The following SORCS2 variants were observed in gnomAD, a reference collection of about 807,000 sequenced individuals.
SORCS2 encodes sortilin related VPS10 domain containing receptor 2.
In SORCS2, 100 loss-of-function variants were observed where a neutral mutation model predicts 141.6. The observed-to-expected ratio is 0.71, with a 90% CI of 0.60 to 0.83. The LOEUF (loss-of-function observed/expected upper bound fraction) is 0.83, where lower values mean the gene tolerates loss of function less well. SORCS2 is among the 40% of genes least tolerant of loss of function. The pLI is 0.00. For synonymous variants in SORCS2, 789 were observed against 676.9 expected, an observed-to-expected ratio of 1.17 and a Z score of -2.57; for missense variants, 1,646 against 1,560.2, an observed-to-expected ratio of 1.05 and a Z score of -0.93.
chr4:7,327,813 A>ACCCCCCCCC, intron 1 of SORCS2, among the ~76,000 whole-genome samples: 1 of 149,770 alleles, frequency 6.7e-6, no homozygotes, highest in Admixed American at 6.6e-5. Context: ...GCCCCCCCCA[A>ACCCCCCCCC]CCCCGCCCCC....
intron 12 of SORCS2, among the ~76,000 whole-genome samples, chr4:7,701,960 G>A (rs576201528): frequency 3.9e-5 from 6 of 152,292 alleles, no homozygotes; most frequent in South Asian, 4.1e-4. Flanking sequence ...GCTAGGAAGG[G>A]GTCAGCCGAG....
At chr4:7,242,766 A>C (rs899433157) in intron 1 of SORCS2, among the ~76,000 whole-genome samples, 1 of 152,190 alleles carries the variant, frequency 6.6e-6, no homozygotes, top group Non-Finnish European at 1.5e-5. Context: ...TACTTCCCCC[A>C]GGATTTGAGC....
intron 1 of SORCS2, among the ~76,000 whole-genome samples, chr4:7,383,397 C>T (rs2109074655): frequency 6.6e-6 from 1 of 152,328 alleles, no homozygotes; most frequent in South Asian, 2.1e-4. Flanking sequence ...CCTCCCCCTG[C>T]AAGAGGCAGC....
At chr4:7,581,132 C>A (rs921662360) in intron 3 of SORCS2, among the ~76,000 whole-genome samples, 1 of 149,768 alleles carries the variant, frequency 6.7e-6, no homozygotes. Context: ...AATTCAAAAA[C>A]CTGCATATGT....
At chr4:7,728,524 C>G (rs1727380070) in intron 22 of SORCS2, 62 bp downstream of exon 22, 1 of 1,290,956 alleles carries the variant, frequency 7.7e-7, no homozygotes, top group Non-Finnish European at 1.1e-6. Flanking sequence ...CAGAGAAGCC[C>G]AAGGGCCCCG....
intron 1 of SORCS2, among the ~76,000 whole-genome samples, chr4:7,305,457 G>A (rs1001593550): frequency 1.5e-4 from 23 of 151,922 alleles, no homozygotes; most frequent in Admixed American, 1.2e-3. Flanking sequence ...GACATGGCGT[G>A]GCCCTCACCC....
rs368526174 is a variant in SORCS2 at position 7,729,595 on chromosome 4, C to T, written c.2991C>T (p.Ser997=). 3.2e-6 allele frequency: 5 copies of T among 1,583,820 alleles called. No homozygotes were observed. Among genetic ancestry groups the T allele is most frequent in the East Asian group, 4.6e-5 (2 of 43,074 alleles). ...VVTRLLSKET[S]VPQELLVTVV... ...CTTAACTCTCCCCGCAGGAGACCAG[C>T]GTCCCTCAGGAGCTTCTGGTGACTG... Residue 997 remains serine, a synonymous_variant, in exon 23 of 27, where the codon AGC becomes AGT. Coordinates refer to ENST00000507866, the MANE Select transcript of SORCS2 (RefSeq NM_020777.3).
intron 2 of SORCS2, among the ~76,000 whole-genome samples, chr4:7,505,683 T>A (rs1008597951): frequency 2.0e-5 from 3 of 151,644 alleles, no homozygotes; most frequent in Non-Finnish European, 4.4e-5. Flanking sequence ...AGAGCCTGGC[T>A]CTGCCAGCGG....
At chr4:7,737,803 C>T (rs1439384394) in intron 26 of SORCS2, among the ~76,000 whole-genome samples, 8 of 152,200 alleles carry the variant, frequency 5.3e-5, no homozygotes, top group Admixed American at 3.3e-4. Context: ...CCGGGCTGCT[C>T]GCTGTCAGGG....
intron 16 of SORCS2, among the ~76,000 whole-genome samples, chr4:7,714,656 A>G (rs1036777409): frequency 1.3e-5 from 2 of 152,176 alleles, no homozygotes; most frequent in Non-Finnish European, 2.9e-5. Context: ...AGGTCAGGGC[A>G]TCTTGGGGAC....
chr4:7,640,387 T>A (rs575681037), intron 4 of SORCS2, among the ~76,000 whole-genome samples: 66 of 137,850 alleles, frequency 4.8e-4, no homozygotes, highest in African/African-American at 2.1e-3. Flanking sequence ...CATGAGTGTG[T>A]GGGTGTGTGA....
At chr4:7,667,883 T>A (rs1560469013) in intron 8 of SORCS2, among the ~76,000 whole-genome samples, 1 of 152,192 alleles carries the variant, frequency 6.6e-6, no homozygotes, top group Admixed American at 6.5e-5. Context: ...AGAGAGACAC[T>A]AACCTGTCTG....
At chr4:7,421,411 T>C (rs1427221042) in intron 2 of SORCS2, among the ~76,000 whole-genome samples, 1 of 152,080 alleles carries the variant, frequency 6.6e-6, no homozygotes, top group African/African-American at 2.4e-5. Flanking sequence ...GAAGTGACTT[T>C]CCCCCTCTGA....
rs571573817 is a variant in SORCS2, at chr4:7,701,479, G to C, written c.1669-1801G>C. The stretch of plus-strand genomic sequence containing the variant: ...CAGGGAGGGCAACGGCACATGCAGA[G>C]AGCCTGGGTGTATTCAGGGAAAGGA... On this transcript the variant is annotated intron_variant, in intron 12 of 26. Transcript: ENST00000507866. Among the ~76,000 whole-genome samples the C allele has an allele frequency of 2.7e-4, 41 of 152,334 alleles. No homozygotes were observed. The Middle Eastern group carries it at 0.01, about 38-fold the overall frequency.
At chr4:7,446,896 C>A (rs1728037905) in intron 2 of SORCS2, among the ~76,000 whole-genome samples, 1 of 152,208 alleles carries the variant, frequency 6.6e-6, no homozygotes, top group Non-Finnish European at 1.5e-5. Context: ...TTTCCCATTG[C>A]AGAAACTGAG....
Position 7,330,346 on chromosome 4 carries a change from C to T in SORCS2, c.481-65942C>T, listed in dbSNP as rs555770769. On this transcript the variant is annotated intron_variant, in intron 1 of 26. Coordinates refer to ENST00000507866, the MANE Select transcript of SORCS2 (RefSeq NM_020777.3). Reference sequence around the variant, plus strand: ...ACACCTTTTAGGGGCTGTGATTCAGCGTATCACAAAGAGCTTCTCGGCAAA... The same window carrying T: ...ACACCTTTTAGGGGCTGTGATTCAGTGTATCACAAAGAGCTTCTCGGCAAA... Among the ~76,000 whole-genome samples, 161 of 152,132 alleles carry T rather than the reference C, an allele frequency of 1.1e-3. 1 individual carries two copies. Among genetic ancestry groups the T allele is most frequent in the African/African-American group, 3.8e-3 (156 of 41,516 alleles).
chr4:7,686,788 C>T (rs1723907164), intron 10 of SORCS2, among the ~76,000 whole-genome samples: 1 of 152,216 alleles, frequency 6.6e-6, no homozygotes, highest in Non-Finnish European at 1.5e-5. Context: ...GTGTGTCAGA[C>T]ACCAGCATGG....
chr4:7,574,699 AT>A (rs1715632364), intron 3 of SORCS2, among the ~76,000 whole-genome samples: 1 of 152,126 alleles, frequency 6.6e-6, no homozygotes, highest in Non-Finnish European at 1.5e-5. Flanking sequence ...GTGAAAAATC[AT>A]AAGGAAGTCA....
chr4:7,319,784 G>T (rs3916118), intron 1 of SORCS2, among the ~76,000 whole-genome samples: 89,300 of 152,088 alleles, frequency 0.59, 26,294 homozygotes, highest in South Asian at 0.72. Context: ...TAGAAGTTTT[G>T]CTGTCACTGG....
Sources: gnomAD v4.1 joint callset for allele counts (sites outside exome capture counted in the v4.1 genomes callset) on GRCh38, gnomAD v4.1.1 for gene constraint, MANE v1.5 for transcripts, NCBI Gene and HGNC (gene_info 2026-07-23, HGNC 2026-07-21) for gene names.